Variants in OSTF1 observed in about 807,000 individuals in gnomAD.
OSTF1 encodes the protein osteoclast-stimulating factor 1.
Under a neutral mutation model 37.2 loss-of-function variants are expected in OSTF1, and 27 were observed. The ratio of observed to expected loss-of-function variants is 0.73; its 90% CI spans 0.54 to 1.00. OSTF1 has a LOEUF of 1.00. Ranked by LOEUF, OSTF1 falls within the 50% of genes least tolerant of loss-of-function variation. The pLI, the probability that OSTF1 is intolerant of heterozygous loss-of-function variation, is 0.00. For missense variants in OSTF1, 232 were observed against 253.8 expected (o/e 0.91, Z 0.58); for synonymous variants, 82 against 89.2 (o/e 0.92, Z 0.46).
chr9:75,113,225 C>T (rs920261149), intron 1 of OSTF1, among the ~76,000 whole-genome samples: 76 of 152,068 alleles, frequency 5.0e-4, no homozygotes, highest in African/African-American at 1.8e-3. Flanking sequence ...TTACTGTTTT[C>T]GTTGATTATA....
At chr9:75,140,600 A>T (rs1825925947) in intron 8 of OSTF1, among the ~76,000 whole-genome samples, 1 of 152,222 alleles carries the variant, frequency 6.6e-6, no homozygotes, top group African/African-American at 2.4e-5. Flanking sequence ...GCAATTCTAT[A>T]GGGACTCAAA....
At chr9:75,123,429 CAAAAAAA>C (rs1825612796) in intron 2 of OSTF1, among the ~76,000 whole-genome samples, 1 of 151,696 alleles carries the variant, frequency 6.6e-6, no homozygotes, top group East Asian at 1.9e-4. Flanking sequence ...CTCAAAAAAA[CAAAAAAA>C]CAAAAAACAA....
At chr9:75,088,913 G>A (rs1331303927) in intron 1 of OSTF1, among the ~76,000 whole-genome samples, 187 bp downstream of exon 1, 1 of 151,966 alleles carries the variant, frequency 6.6e-6, no homozygotes, top group East Asian at 1.9e-4. Context: ...GATTTTGATA[G>A]CAAGAGGATT....
At chr9:75,088,765 C>T (rs1048668026) in intron 1 of OSTF1, 39 bp downstream of exon 1, 1 of 1,579,082 alleles carries the variant, frequency 6.3e-7, no homozygotes, top group Non-Finnish European at 8.6e-7. Context: ...GGTCCTGCGA[C>T]CGCCGCGGTG....
In OSTF1 at chr9:75,140,842, A is replaced by G. The variant is rs758206899; in HGVS notation, c.496A>G (p.Thr166Ala). The G allele has an allele frequency of 1.2e-6, 2 of 1,612,788 alleles. No individual in the cohort carries two copies. Among genetic ancestry groups the G allele is most frequent in the South Asian group, 2.2e-5 (2 of 91,052 alleles). The change falls in exon 9 of 10, where the codon ACA becomes GCA. Residue 166 changes from threonine (T) to alanine (A), a missense_variant. Coordinates refer to ENST00000346234, the MANE Select transcript of OSTF1 (RefSeq NM_012383.5). Reference sequence around the variant, plus strand: ...TTTCTTGTGTTGGGAAGGTGCTAGAACAGACTTAAGAAACATTGAGAAGAA... The same window carrying G: ...TTTCTTGTGTTGGGAAGGTGCTAGAGCAGACTTAAGAAACATTGAGAAGAA... The part of the protein sequence containing the change: ...VQLLLAKGAR[T>A]DLRNIEKKLA...
intron 2 of OSTF1, among the ~76,000 whole-genome samples, chr9:75,126,071 G>A (rs2118555678): frequency 6.6e-6 from 1 of 152,104 alleles, no homozygotes; most frequent in Admixed American, 6.6e-5. Context: ...CACCACACCT[G>A]GCACATTTTT....
intron 1 of OSTF1, among the ~76,000 whole-genome samples, chr9:75,096,877 T>A (rs1283534266): frequency 6.6e-6 from 1 of 152,192 alleles, no homozygotes; most frequent in Non-Finnish European, 1.5e-5. Context: ...CGGAGTCTCA[T>A]CCTTCCTTAT....
At chr9:75,109,204 G>A (rs964878328) in intron 1 of OSTF1, among the ~76,000 whole-genome samples, 13 of 151,970 alleles carry the variant, frequency 8.6e-5, no homozygotes, top group African/African-American at 3.1e-4. Flanking sequence ...GTAGAGATGA[G>A]GTTTCACCGT....
At chr9:75,121,267 A>G (rs749989837) in intron 2 of OSTF1, among the ~76,000 whole-genome samples, 2 of 152,232 alleles carry the variant, frequency 1.3e-5, no homozygotes, top group Non-Finnish European at 2.9e-5. Context: ...TGCTATATTA[A>G]TAGACATTTA....
intron 1 of OSTF1, among the ~76,000 whole-genome samples, chr9:75,100,063 A>G (rs1825162772): frequency 6.6e-6 from 1 of 152,264 alleles, no homozygotes; most frequent in Non-Finnish European, 1.5e-5. Flanking sequence ...GACAGATAGC[A>G]AGAGATAGCA....
chr9:75,104,008 G>A (rs146293796), intron 1 of OSTF1, among the ~76,000 whole-genome samples: 15 of 152,064 alleles, frequency 9.9e-5, no homozygotes, highest in Middle Eastern at 6.8e-3. Flanking sequence ...TGGGTAGATC[G>A]CTTGAAGTCA....
intron 2 of OSTF1, among the ~76,000 whole-genome samples, chr9:75,125,285 C>T (rs1381991890): frequency 6.6e-6 from 1 of 152,148 alleles, no homozygotes; most frequent in African/African-American, 2.4e-5. Context: ...TCTGGCCTCT[C>T]TGGGAGTGAT....
chr9:75,134,210 A>T (rs1222890453), intron 6 of OSTF1, 136 bp from the exon 7 acceptor site: 6 of 510,460 alleles, frequency 1.2e-5, no homozygotes, highest in African/African-American at 4.0e-5. Flanking sequence ...TTTCTATTTT[A>T]TAAATTTTAC....
At chr9:75,115,509 C>T (rs375325756) in intron 1 of OSTF1, among the ~76,000 whole-genome samples, 26 of 152,040 alleles carry the variant, frequency 1.7e-4, no homozygotes, top group East Asian at 1.2e-3. Context: ...AGACTGGTCT[C>T]GAACACCTGA....
intron 1 of OSTF1, among the ~76,000 whole-genome samples, chr9:75,103,255 C>A (rs1029728812): frequency 1.6e-4 from 24 of 152,196 alleles, no homozygotes; most frequent in Non-Finnish European, 3.1e-4. Flanking sequence ...TGTACTATAG[C>A]CTGGGCAACA....
rs190589145 is a variant in OSTF1, at chr9:75,124,953, A to G, written c.82-2616A>G. Reference sequence around the variant, plus strand: ...TTATTGTGAGACATAACTGAGTGAGATTAACTTTGGGAGATGTACTCAGTA... The same window carrying G: ...TTATTGTGAGACATAACTGAGTGAGGTTAACTTTGGGAGATGTACTCAGTA... On this transcript the variant is annotated intron_variant, in intron 2 of 9. Transcript: ENST00000346234. 2.7e-3 allele frequency among the ~76,000 whole-genome samples: 413 copies of G among 152,296 alleles called. 5 individuals are homozygous for G. Among genetic ancestry groups the G allele is most frequent in the Middle Eastern group, 0.017 (5 of 294 alleles).
At chr9:75,117,251 G>C (rs1825505529) in intron 1 of OSTF1, among the ~76,000 whole-genome samples, 2 of 152,056 alleles carry the variant, frequency 1.3e-5, no homozygotes, top group African/African-American at 2.4e-5. Flanking sequence ...TATAATAATT[G>C]TTAGCTATGG....
chr9:75,104,182 T>C (rs1051209750), intron 1 of OSTF1, among the ~76,000 whole-genome samples: 1 of 152,130 alleles, frequency 6.6e-6, no homozygotes, highest in Non-Finnish European at 1.5e-5. Flanking sequence ...AAGTCAAGGC[T>C]GCAGTGAGCT....
chr9:75,109,465 A>G (rs894273470), intron 1 of OSTF1, among the ~76,000 whole-genome samples: 7 of 152,354 alleles, frequency 4.6e-5, no homozygotes, highest in African/African-American at 1.7e-4. Context: ...CTACCTGTCC[A>G]TGCCCAATAA....
Sources: gnomAD v4.1 joint callset for allele counts (sites outside exome capture counted in the v4.1 genomes callset) on GRCh38, gnomAD v4.1.1 for gene constraint, MANE v1.5 for transcripts, NCBI Gene and HGNC (gene_info 2026-07-23, HGNC 2026-07-21) for gene names.